The following FAM111A variants were observed in gnomAD, a reference collection of about 807,000 sequenced individuals.
The protein encoded by FAM111A is FAM111 trypsin like peptidase A.
FAM111A carries 8 observed loss-of-function variants against 3.3 expected under a neutral mutation model. The ratio of observed to expected loss-of-function variants is 2.39; its 90% CI spans 1.40 to 4.32. The LOEUF (loss-of-function observed/expected upper bound fraction) is 4.32, where lower values mean the gene tolerates loss of function less well. Ranked by LOEUF, FAM111A falls within the 30% of genes most tolerant of loss-of-function variation. FAM111A has a pLI of 0.00. For synonymous variants in FAM111A, 227 were observed against 243.1 expected (o/e 0.93, Z 0.62); for missense variants, 683 against 727.6 (o/e 0.94, Z 0.71).
At chr11:59,147,360 A>G (rs998364937) in intron 4 of FAM111A, among the ~76,000 whole-genome samples, 2 of 152,194 alleles carry the variant, frequency 1.3e-5, no homozygotes, top group Non-Finnish European at 2.9e-5. Flanking sequence ...GAGAACAGAT[A>G]AGTTGTCTCT....
At position 59,148,878 on chromosome 11, in the gene FAM111A, CTGTAA is replaced by C; in HGVS notation, c.7_11del (p.Cys3GlufsTer11). 6.2e-7 allele frequency: 1 copy of C among 1,612,860 alleles called. No individual in the cohort carries two copies. The highest frequency in any genetic ancestry group is 1.1e-5 in the South Asian group (1 of 91,042). ...CCGTTCATCTTCAAGCCATCATGAG[CTGTAA>C]GAAGCAGAGGTCACGGAAGCACTCA... On this transcript the variant is annotated frameshift_variant, in exon 5 of 6. Transcript: ENST00000675163. LOFTEE classifies it high-confidence loss of function.
At chr11:59,150,975 A>C (rs1861579173) in intron 5 of FAM111A, among the ~76,000 whole-genome samples, 1 of 152,228 alleles carries the variant, frequency 6.6e-6, no homozygotes. Context: ...GATTAGTTAA[A>C]TAATGATTTT....
Position 59,151,339 on chromosome 11 carries a change from C to T in FAM111A, c.82-411C>T, listed in dbSNP as rs147145028. Among the ~76,000 whole-genome samples, 206 of 152,272 alleles carry T rather than the reference C, an allele frequency of 1.4e-3. 7 individuals carry two copies. In the East Asian group the frequency reaches 0.037, roughly 28 times the overall value. On this transcript the variant is annotated intron_variant, in intron 5 of 5. Coordinates refer to ENST00000675163, the MANE Select transcript of FAM111A (RefSeq NM_001312909.2). ...CTAATTTTTGTATTTTCAGTAGAGACGGGATTTCACCATGTTGATCATGCT... is the reference window on the plus strand; with the variant it reads ...CTAATTTTTGTATTTTCAGTAGAGATGGGATTTCACCATGTTGATCATGCT...
In FAM111A at chr11:59,143,180, G is replaced by T. The variant is rs576591554; in HGVS notation, c.-430G>T. ...ATCTTTCATTCCATTGGCCAGACGC[G>T]CCATTCCCCAAGTGAGTTCTGTTCT... On this transcript the variant is annotated 5_prime_UTR_variant, in exon 2 of 6. Coordinates refer to ENST00000675163, the MANE Select transcript of FAM111A (RefSeq NM_001312909.2). 1 of 152,264 alleles carries T rather than the reference G, an allele frequency of 6.6e-6. No individual in the cohort carries two copies. The allele number at this position is 152,264 out of a possible 1,614,324, so 9.4% of individuals were successfully genotyped here. A position where few individuals can be genotyped will look rare whatever the true frequency, so the allele number is the denominator to read the frequency against.
intron 3 of FAM111A, 185 bp downstream of exon 3, chr11:59,143,880 C>CCA (rs2135421359): frequency 6.6e-6 from 1 of 152,338 alleles, no homozygotes; most frequent in South Asian, 2.1e-4. Flanking sequence ...AAAGATCCAA[C>CCA]CACTCTTCAA....
rs1175135951 is a variant in FAM111A, at chr11:59,154,930, A to G, written c.*1426A>G. ...TGACTAGCTACACGTTTTGCCAAAA[A>G]TGCTTGTTATATAAAGGGTACTTTT... On this transcript the variant is annotated 3_prime_UTR_variant, in exon 6 of 6. Coordinates refer to ENST00000675163, the MANE Select transcript of FAM111A (RefSeq NM_001312909.2). 1 of 152,850 alleles carries G rather than the reference A, an allele frequency of 6.5e-6. No homozygotes were observed. Among genetic ancestry groups the G allele is most frequent in the African/African-American group, 2.4e-5 (1 of 41,456 alleles). 9.5% of individuals were successfully genotyped at this position (152,850 alleles called of 1,614,324 possible).
At chr11:59,148,572 T>C (rs1861236588) in intron 4 of FAM111A, 1 of 310,518 alleles carries the variant, frequency 3.2e-6, no homozygotes, top group Non-Finnish European at 6.0e-6. Flanking sequence ...CGCAGGAATT[T>C]GCAGCTAGAG....
In FAM111A at chr11:59,153,812, A is replaced by T. The variant is rs1334470480; in HGVS notation, c.*308A>T. On this transcript the variant is annotated 3_prime_UTR_variant, in exon 6 of 6. Transcript: ENST00000675163. ...CACCTCCCAGGTTCAAGCGATTCTT[A>T]TGCCTCAGTCTCCTGAGCAGCTGGG... 2 of 183,708 alleles carry T rather than the reference A, an allele frequency of 1.1e-5. No individual in the cohort carries two copies. Among genetic ancestry groups the T allele is most frequent in the East Asian group, 2.9e-4 (2 of 6,862 alleles). 11.4% of individuals were successfully genotyped at this position (183,708 alleles called of 1,614,324 possible).
At chr11:59,149,894 C>A (rs1861436462) in intron 5 of FAM111A, among the ~76,000 whole-genome samples, 1 of 152,078 alleles carries the variant, frequency 6.6e-6, no homozygotes, top group Admixed American at 6.6e-5. Flanking sequence ...TCATATCAAA[C>A]CATTGTATCT....
At chr11:59,149,854 G>T (rs1486831774) in intron 5 of FAM111A, among the ~76,000 whole-genome samples, 2 of 152,124 alleles carry the variant, frequency 1.3e-5, no homozygotes, top group Non-Finnish European at 2.9e-5. Context: ...ACATGTAGTT[G>T]GGCCTTTTTC....
At chr11:59,149,072 G>A in intron 5 of FAM111A, 119 bp downstream of exon 5, 3 of 695,964 alleles carry the variant, frequency 4.3e-6, no homozygotes, top group Non-Finnish European at 7.8e-6. Flanking sequence ...CACATAACAT[G>A]GCATAGTATT....
At position 59,153,207 on chromosome 11, in the gene FAM111A, T is replaced by C; in HGVS notation, c.1539T>C (p.His513=). ...SKKAESPEYV[H]MYTQRSFQKI... ...AAGCAGAAAGTCCAGAGTATGTCCA[T>C]ATGTATACTCAAAGAAGTTTCCAGA... is the stretch of plus-strand genomic sequence containing the variant. The change falls in exon 6 of 6, where the codon CAT becomes CAC. Residue 513 remains histidine, a synonymous_variant. Coordinates refer to ENST00000675163, the MANE Select transcript of FAM111A (RefSeq NM_001312909.2). 1.9e-6 allele frequency: 3 copies of C among 1,614,210 alleles called. No individual in the cohort carries two copies. The South Asian group carries it at 3.3e-5, about 18-fold the overall frequency.
At chr11:59,149,621 A>G (rs988987453) in intron 5 of FAM111A, among the ~76,000 whole-genome samples, 1 of 152,236 alleles carries the variant, frequency 6.6e-6, no homozygotes, top group Non-Finnish European at 1.5e-5. Context: ...GCATGAAAAC[A>G]TATACCATTC....
chr11:59,152,958 G>T lies in FAM111A; in HGVS notation c.1290G>T (p.Trp430Cys). 2 of 1,614,086 alleles carry T rather than the reference G, an allele frequency of 1.2e-6. No homozygotes were observed. Among genetic ancestry groups the T allele is most frequent in the Non-Finnish European group, 1.7e-6 (2 of 1,180,028 alleles). Residue 430 changes from tryptophan (W) to cysteine (C), a missense_variant, in exon 6 of 6, where the codon TGG becomes TGT. Physicochemically the swap from Trp to Cys is radical, Grantham distance 215. Transcript: ENST00000675163. ...KETNYFFVEP[W>C]FEIHNEELDY... is the part of the protein sequence containing the mutation. ...CAAACTACTTTTTTGTTGAACCTTG[G>T]TTTGAGATACATAATGAAGAGCTTG...
At position 59,152,008 on chromosome 11, in the gene FAM111A, G is replaced by A. The variant is rs747104961; in HGVS notation, c.340G>A (p.Val114Ile). 1 of 1,614,058 alleles carries A rather than the reference G, an allele frequency of 6.2e-7. No individual in the cohort carries two copies. Among genetic ancestry groups the A allele is most frequent in the African/African-American group, 1.3e-5 (1 of 74,932 alleles). Residue 114 changes from valine (V) to isoleucine (I), a missense_variant, in exon 6 of 6, where the codon GTC (valine) becomes ATC (isoleucine). By Grantham distance (29) the Val-to-Ile change is conservative. Around this residue, in one of 3 missense-constraint regions of FAM111A, gnomAD observed 557 missense variants for 600.2 expected, o/e 0.93. Transcript: ENST00000675163. ...TATGGCTCTCAACACTCTCCAGGCT[G>A]TCAGAAAAGAGATAGAAACTCACCA... ...LYMALNTLQA[V>I]RKEIETHQGQ... is the part of the protein sequence containing the mutation.
Position 59,152,086 on chromosome 11 carries a change from C to T in FAM111A, c.418C>T (p.Leu140Phe), listed in dbSNP as rs781189561. Reference protein sequence around the residue: ...GTEGIKEYINLGMPLSCFPEG... With the variant: ...GTEGIKEYINFGMPLSCFPEG... ...AGAAGGAATCAAAGAGTACATAAAC[C>T]TTGGAATGCCCCTCAGTTGTTTCCC... The change falls in exon 6 of 6, where the codon CTT becomes TTT. Residue 140 changes from leucine to phenylalanine, a missense_variant. This residue lies in a region of FAM111A where 557 missense variants were observed against 600.2 expected (regional missense o/e 0.93). Transcript: ENST00000675163. 2 of 1,614,004 alleles carry T rather than the reference C, an allele frequency of 1.2e-6. No homozygotes were observed. Among genetic ancestry groups the T allele is most frequent in the East Asian group, 2.2e-5 (1 of 44,894 alleles).
chr11:59,153,040 A>G lies in FAM111A; in HGVS notation c.1372A>G (p.Asn458Asp), dbSNP rs1861910624. 1 of 1,614,152 alleles carries G rather than the reference A, an allele frequency of 6.2e-7. No individual in the cohort carries two copies. Among genetic ancestry groups the G allele is most frequent in the Non-Finnish European group, 8.5e-7 (1 of 1,180,028 alleles). Residue 458 changes from asparagine (N) to aspartate (D), a missense_variant, in exon 6 of 6, where the codon AAT (asparagine) becomes GAT (aspartate). Transcript: ENST00000675163. The stretch of plus-strand genomic sequence containing the variant: ...ACAACAAGTACCTATGGAACTATAT[A>G]ATGGAATTACTCCTGTGCCACTTAG... ...NGQQVPMELYNGITPVPLSGL... is the reference protein window; with the variant it reads ...NGQQVPMELYDGITPVPLSGL...
chr11:59,152,881 G>A lies in FAM111A; in HGVS notation c.1213G>A (p.Gly405Ser), dbSNP rs767459625. 6.2e-7 allele frequency: 1 copy of A among 1,614,074 alleles called. No homozygotes were observed. Among genetic ancestry groups the A allele is most frequent in the Non-Finnish European group, 8.5e-7 (1 of 1,180,008 alleles). The stretch of plus-strand genomic sequence containing the variant: ...GCCAAGTAAGTGGGCAACCATAATT[G>A]GTCAATGTGTAAGGGTGACATTTGG... Reference protein sequence around the residue: ...IEPSKWATIIGQCVRVTFGYE... With the variant: ...IEPSKWATIISQCVRVTFGYE... The change falls in exon 6 of 6, where the codon GGT (glycine) becomes AGT (serine). Residue 405 changes from glycine to serine, a missense_variant. Gly to Ser is a moderately conservative substitution (Grantham distance 56). Around this residue, in one of 3 missense-constraint regions of FAM111A, gnomAD observed 557 missense variants for 600.2 expected, o/e 0.93. Transcript: ENST00000675163.
At chr11:59,144,268 T>G (rs1397564679) in intron 3 of FAM111A, 2 of 152,268 alleles carry the variant, frequency 1.3e-5, no homozygotes, top group East Asian at 3.8e-4. Context: ...GTGTGTGCCC[T>G]GAAGTCCCTT....
Sources: allele counts gnomAD v4.1 joint callset (sites outside exome capture counted in the v4.1 genomes callset), GRCh38; gene constraint gnomAD v4.1.1; regional missense constraint gnomAD v4.1.1; transcripts MANE v1.5; gene names NCBI Gene and HGNC (gene_info 2026-07-23, HGNC 2026-07-21).